The following HS6ST1 variants were observed in gnomAD, a reference collection of about 807,000 sequenced individuals.
The protein encoded by HS6ST1 is heparan-sulfate 6-O-sulfotransferase 1.
A neutral mutation model predicts 25.2 loss-of-function variants in HS6ST1; 3 were observed. The observed-to-expected ratio is 0.12, with a 90% confidence interval of 0.05 to 0.31. HS6ST1 has a LOEUF of 0.31. Among genes scored for constraint, HS6ST1 ranks in the 10% least tolerant of loss-of-function variants. The pLI, the probability that HS6ST1 is intolerant of heterozygous loss-of-function variation, is 1.00. For synonymous variants in HS6ST1, 204 were observed against 275.1 expected (o/e 0.74, Z 2.56); for missense variants, 310 against 609.6 (o/e 0.51, Z 5.18).
At chr2:128,275,121 A>G (rs941674991) in intron 1 of HS6ST1, among the ~76,000 whole-genome samples, 3 of 152,210 alleles carry the variant, frequency 2.0e-5, no homozygotes, top group African/African-American at 4.8e-5. Context: ...ATAGAAAATA[A>G]AGCAAGTAAA....
rs1226363943 is a variant in HS6ST1, at chr2:128,268,924, T to C, written c.528-54A>G. The C allele has an allele frequency of 4.1e-6, 6 of 1,471,284 alleles. 1 individual carries two copies. The South Asian group carries it at 4.6e-5, about 11-fold the overall frequency. 91.1% of individuals were successfully genotyped at this position (1,471,284 alleles called of 1,614,324 possible). A position where few individuals can be genotyped will look rare whatever the true frequency, so the allele number is the denominator to read the frequency against. ...GGCTGTGACGCAGCATGAGGGGGGCTACCAGGGCTGCTCTGAGTCAAAGTC... is the reference window on the plus strand; with the variant it reads ...GGCTGTGACGCAGCATGAGGGGGGCCACCAGGGCTGCTCTGAGTCAAAGTC... On this transcript the variant is annotated intron_variant, in intron 1 of 1. Transcript: ENST00000259241.
chr2:128,296,907 A>C (rs1018507480), intron 1 of HS6ST1, among the ~76,000 whole-genome samples: 4 of 152,204 alleles, frequency 2.6e-5, no homozygotes, highest in African/African-American at 9.7e-5. Flanking sequence ...TGAATAGCTA[A>C]AGTACTTGAC....
At chr2:128,274,537 T>C (rs1164651761) in intron 1 of HS6ST1, among the ~76,000 whole-genome samples, 3 of 150,942 alleles carry the variant, frequency 2.0e-5, no homozygotes, top group Non-Finnish European at 4.4e-5. Flanking sequence ...GCATCTCATT[T>C]AGCAAAAAAG....
intron 1 of HS6ST1, among the ~76,000 whole-genome samples, chr2:128,304,107 G>A (rs1468288390): frequency 2.0e-5 from 3 of 152,232 alleles, no homozygotes; most frequent in Non-Finnish European, 2.9e-5. Flanking sequence ...GACTAAGCCT[G>A]CTCGCTGGCT....
chr2:128,275,289 G>C (rs1427126104), intron 1 of HS6ST1, among the ~76,000 whole-genome samples: 1 of 152,218 alleles, frequency 6.6e-6, no homozygotes, highest in Non-Finnish European at 1.5e-5. Context: ...AACTGTATGT[G>C]GGTGATGGGT....
intron 1 of HS6ST1, among the ~76,000 whole-genome samples, chr2:128,276,193 T>A (rs56124509): frequency 0.21 from 31,731 of 152,148 alleles, 4,142 homozygotes; most frequent in East Asian, 0.62. Context: ...AGTGGTGTGA[T>A]CTTGGCTCAC....
intron 1 of HS6ST1, among the ~76,000 whole-genome samples, chr2:128,285,431 C>T (rs1438766223): frequency 6.6e-6 from 1 of 152,216 alleles, no homozygotes; most frequent in Non-Finnish European, 1.5e-5. Context: ...CCTGCCTTGC[C>T]CTGCACTGGG....
At position 128,313,584 on chromosome 2, in the gene HS6ST1, C is replaced by T. The variant is rs1380683440; in HGVS notation, c.527+4453G>A. On this transcript the variant is annotated intron_variant, in intron 1 of 1. Coordinates refer to ENST00000259241, the MANE Select transcript of HS6ST1 (RefSeq NM_004807.3). ...GGGGTGTGAGAGCAAAAGCCTCCAA[C>T]TCCCCGAAGGACGACAAGACCAGGC... Among the ~76,000 whole-genome samples the T allele has an allele frequency of 2.0e-5, 3 of 152,172 alleles. No homozygotes were observed. The East Asian group carries it at 5.8e-4, about 29-fold the overall frequency.
intron 1 of HS6ST1, among the ~76,000 whole-genome samples, chr2:128,287,138 C>G (rs1693876324): frequency 1.3e-5 from 2 of 152,196 alleles, no homozygotes. Flanking sequence ...CTGTGGGGTG[C>G]CATGCAGGCC....
At chr2:128,274,606 C>A (rs1323129892) in intron 1 of HS6ST1, among the ~76,000 whole-genome samples, 5 of 152,188 alleles carry the variant, frequency 3.3e-5, no homozygotes, top group Non-Finnish European at 7.3e-5. Context: ...GGAGCTCCAA[C>A]CCAGGGGACG....
At position 128,277,899 on chromosome 2, in the gene HS6ST1, G is replaced by T. The variant is rs577969971; in HGVS notation, c.528-9029C>A. ...GCACTTCGGCATTTAATTATGCTTG[G>T]TTTAATGCCTTCTGTGACCTGAAGC... On this transcript the variant is annotated intron_variant, in intron 1 of 1. Coordinates refer to ENST00000259241, the MANE Select transcript of HS6ST1 (RefSeq NM_004807.3). Among the ~76,000 whole-genome samples, 31 of 152,372 alleles carry T rather than the reference G, an allele frequency of 2.0e-4. No individual in the cohort carries two copies. The South Asian group carries it at 6.4e-3, about 32-fold the overall frequency.
intron 1 of HS6ST1, among the ~76,000 whole-genome samples, chr2:128,288,521 T>C (rs1326831713): frequency 1.3e-5 from 2 of 152,106 alleles, no homozygotes; most frequent in Non-Finnish European, 2.9e-5. Flanking sequence ...CATCAAAGCT[T>C]GTGGGTACAG....
At chr2:128,304,390 C>A (rs531465035) in intron 1 of HS6ST1, among the ~76,000 whole-genome samples, 3 of 152,348 alleles carry the variant, frequency 2.0e-5, no homozygotes, top group African/African-American at 7.2e-5. Context: ...GTGCATGGTA[C>A]AGGCCTGGTG....
chr2:128,296,788 T>C (rs1328487917), intron 1 of HS6ST1, among the ~76,000 whole-genome samples: 1 of 152,252 alleles, frequency 6.6e-6, no homozygotes, highest in Admixed American at 6.5e-5. Flanking sequence ...ATGTAAATAC[T>C]ACTCATGTAA....
chr2:128,305,417 C>T (rs1298858413), intron 1 of HS6ST1, among the ~76,000 whole-genome samples: 5 of 152,204 alleles, frequency 3.3e-5, no homozygotes, highest in Admixed American at 6.5e-5. Flanking sequence ...CCTGGACTTG[C>T]GTGAGCTAAA....
rs1033265977 is a variant in HS6ST1, at chr2:128,317,914, T to C, written c.527+123A>G. 5.4e-5 allele frequency: 64 copies of C among 1,187,052 alleles called. No individual in the cohort carries two copies. The African/African-American group carries it at 9.4e-4, about 17-fold the overall frequency. The allele number at this position is 1,187,052 out of a possible 1,614,324, so 73.5% of individuals were successfully genotyped here. The stretch of plus-strand genomic sequence containing the variant: ...GCAGGTCGGGAGGGGTGCCGGCGAG[T>C]GGGGGCCCCCAAGAGGGCAGAAGGG... On this transcript the variant is annotated intron_variant, in intron 1 of 1. Transcript: ENST00000259241.
At chr2:128,290,721 C>A (rs1052834728) in intron 1 of HS6ST1, among the ~76,000 whole-genome samples, 1 of 150,264 alleles carries the variant, frequency 6.7e-6, no homozygotes, top group Non-Finnish European at 1.5e-5. Context: ...CTTGTAATCC[C>A]AGCACTTTGG....
At chr2:128,269,608 C>A (rs909059145) in intron 1 of HS6ST1, among the ~76,000 whole-genome samples, 1 of 152,206 alleles carries the variant, frequency 6.6e-6, no homozygotes, top group African/African-American at 2.4e-5. Context: ...GTGGGTAAAA[C>A]GTGGTGGCGG....
intron 1 of HS6ST1, among the ~76,000 whole-genome samples, chr2:128,277,554 G>C (rs1422555293): frequency 2.0e-5 from 3 of 152,164 alleles, no homozygotes; most frequent in African/African-American, 7.2e-5. Flanking sequence ...CTGTGCAGCC[G>C]GCCTACGTCC....
Sources: allele counts gnomAD v4.1 joint callset (sites outside exome capture counted in the v4.1 genomes callset), GRCh38; gene constraint gnomAD v4.1.1; transcripts MANE v1.5; gene names NCBI Gene and HGNC (gene_info 2026-07-23, HGNC 2026-07-21).